The following XKR9 variants were observed in gnomAD, a reference collection of about 807,000 sequenced individuals.
The protein encoded by XKR9 is XK related 9, also known as XK-related protein 9.
XKR9 carries 32 observed loss-of-function variants against 32.0 expected under a neutral mutation model. The ratio of observed to expected loss-of-function variants is 1.00; its 90% confidence interval spans 0.76 to 1.34. The LOEUF (loss-of-function observed/expected upper bound fraction) is 1.34, where lower values mean the gene tolerates loss of function less well. XKR9 is among the 40% of genes most tolerant of loss of function. The probability of loss-of-function intolerance (pLI) is 0.00; values close to 1 mark genes in which losing one functional copy is unlikely to be tolerated. For synonymous variants in XKR9, 168 were observed against 143.4 expected (o/e 1.17, Z -1.22); for missense variants, 546 against 429.7 (o/e 1.27, Z -2.39).
chr8:71,039,194 G>A, the XKR9 span, among the ~76,000 whole-genome samples: 1 of 152,184 alleles, frequency 6.6e-6, no homozygotes, highest in Admixed American at 6.5e-5. Flanking sequence ...GTTAGACAGG[G>A]TTACATATTT....
intron 3 of XKR9, among the ~76,000 whole-genome samples, chr8:70,687,089 C>CT (rs1292095207): frequency 1.7e-5 from 1 of 57,224 alleles, no homozygotes. Flanking sequence ...CATTAACCAT[C>CT]CCACTTCTGC....
rs184696568 is a variant in XKR9, at chr8:70,679,936, G to A, written c.-278-845G>A. 6.6e-5 allele frequency among the ~76,000 whole-genome samples: 10 copies of A among 152,026 alleles called. No homozygotes were observed. The East Asian group carries it at 1.9e-3, about 29-fold the overall frequency. On this transcript the variant is annotated intron_variant, in intron 2 of 4. Transcript: ENST00000408926. ...TTCTCCAGTCATTGAGATTCTGCATGAGTATCATTTACTATTTTTATTTTA... is the reference window on the plus strand; with the variant it reads ...TTCTCCAGTCATTGAGATTCTGCATAAGTATCATTTACTATTTTTATTTTA...
the XKR9 span, among the ~76,000 whole-genome samples, chr8:70,931,918 C>G: frequency 2.6e-5 from 4 of 152,182 alleles, no homozygotes; most frequent in African/African-American, 9.6e-5. Flanking sequence ...ATCTCCAACA[C>G]TGAGGATCAC....
chr8:71,006,722 T>C, the XKR9 span, among the ~76,000 whole-genome samples: 1 of 152,134 alleles, frequency 6.6e-6, no homozygotes, highest in African/African-American at 2.4e-5. Flanking sequence ...TTTAGGACTT[T>C]GGGGTAGAAA....
At chr8:70,844,336 C>A in the XKR9 span, among the ~76,000 whole-genome samples, 1 of 152,164 alleles carries the variant, frequency 6.6e-6, no homozygotes, top group Admixed American at 6.5e-5. Flanking sequence ...GCTGCTGCTG[C>A]CATTGATGCC....
the XKR9 span, among the ~76,000 whole-genome samples, chr8:70,932,445 A>G: frequency 6.6e-6 from 1 of 152,164 alleles, no homozygotes; most frequent in Non-Finnish European, 1.5e-5. Context: ...CATTGCCATA[A>G]TAGTGATGTG....
chr8:70,831,148 G>A, the XKR9 span, among the ~76,000 whole-genome samples: 22 of 152,078 alleles, frequency 1.4e-4, no homozygotes, highest in African/African-American at 4.1e-4. Flanking sequence ...AAAATTAGCC[G>A]GATGTGGTGG....
downstream of XKR9, among the ~76,000 whole-genome samples, chr8:70,792,926 C>T (rs918654945): frequency 2.0e-4 from 30 of 152,216 alleles, no homozygotes; most frequent in Middle Eastern, 6.8e-3. Context: ...GACTTTCCAG[C>T]TTCAAGAACT....
At chr8:70,908,321 A>C in the XKR9 span, among the ~76,000 whole-genome samples, 1 of 152,208 alleles carries the variant, frequency 6.6e-6, no homozygotes, top group South Asian at 2.1e-4. Flanking sequence ...TTTTAAATCC[A>C]TGTAATCTTT....
intron 2 of XKR9, among the ~76,000 whole-genome samples, chr8:70,776,782 C>A (rs1337613475): frequency 1.3e-5 from 2 of 151,718 alleles, no homozygotes; most frequent in Non-Finnish European, 2.9e-5. Context: ...TCTCCTGCCA[C>A]CTTAAATTAA....
the XKR9 span, among the ~76,000 whole-genome samples, chr8:70,821,208 C>G: frequency 6.6e-6 from 1 of 152,210 alleles, no homozygotes; most frequent in South Asian, 2.1e-4. Context: ...TCCAATAGGG[C>G]AGTCCAATCT....
chr8:71,052,073 A>G, the XKR9 span, among the ~76,000 whole-genome samples: 2 of 152,200 alleles, frequency 1.3e-5, no homozygotes, highest in Admixed American at 1.3e-4. Flanking sequence ...TTGCTATGTC[A>G]CCATAGGCTG....
At chr8:70,843,123 CA>C in the XKR9 span, among the ~76,000 whole-genome samples, 94 of 152,036 alleles carry the variant, frequency 6.2e-4, 1 homozygote, top group East Asian at 3.9e-4. Context: ...ATTTCTTCTC[CA>C]AAAGACAAAT....
At chr8:70,753,460 C>G (rs939534898) in intron 2 of XKR9, among the ~76,000 whole-genome samples, 3 of 151,872 alleles carry the variant, frequency 2.0e-5, no homozygotes, top group African/African-American at 7.3e-5. Flanking sequence ...GAGACACAAC[C>G]AAAAAAGAGA....
chr8:70,979,307 G>T, the XKR9 span, among the ~76,000 whole-genome samples: 1 of 152,208 alleles, frequency 6.6e-6, no homozygotes, highest in Non-Finnish European at 1.5e-5. Flanking sequence ...TCCTTTGGAG[G>T]AGAAGGGGTG....
the XKR9 span, among the ~76,000 whole-genome samples, chr8:71,002,848 A>G: frequency 6.6e-6 from 1 of 152,226 alleles, no homozygotes; most frequent in African/African-American, 2.4e-5. Context: ...CATCTGGCAA[A>G]TGAGGCTCCT....
the XKR9 span, among the ~76,000 whole-genome samples, chr8:70,931,328 A>G: frequency 6.6e-6 from 1 of 152,160 alleles, no homozygotes; most frequent in African/African-American, 2.4e-5. Context: ...GATGATTCTA[A>G]GGTGGCTGGA....
intron 4 of XKR9, among the ~76,000 whole-genome samples, chr8:70,711,549 C>T (rs1160011425): frequency 6.6e-6 from 1 of 152,168 alleles, no homozygotes; most frequent in African/African-American, 2.4e-5. Context: ...CCACAGTGTT[C>T]TCACTTATAA....
At chr8:70,676,812 C>G (rs1438820499) in intron 2 of XKR9, among the ~76,000 whole-genome samples, 1 of 152,040 alleles carries the variant, frequency 6.6e-6, no homozygotes, top group Admixed American at 6.6e-5. Flanking sequence ...GAATTCAAGA[C>G]CAGCCTGGGT....
Sources: gnomAD v4.1 joint callset for allele counts (sites outside exome capture counted in the v4.1 genomes callset) on GRCh38, gnomAD v4.1.1 for gene constraint, MANE v1.5 for transcripts, NCBI Gene and HGNC (gene_info 2026-07-23, HGNC 2026-07-21) for gene names.